Variants in PIAS4 observed in about 807,000 individuals in gnomAD.
The protein encoded by PIAS4 is protein inhibitor of activated STAT 4.
PIAS4 carries 7 observed loss-of-function variants against 58.0 expected under a neutral mutation model. The ratio of observed to expected loss-of-function variants is 0.12; its 90% confidence interval spans 0.07 to 0.23. PIAS4 has a LOEUF of 0.23. PIAS4 is among the 10% of genes least tolerant of loss of function. The pLI is 1.00. For synonymous variants in PIAS4, 364 were observed against 312.4 expected, an observed-to-expected ratio of 1.17 and a Z score of -1.74; for missense variants, 550 against 709.5, an observed-to-expected ratio of 0.78 and a Z score of 2.55.
chr19:4,022,121 T>C (rs2040115786), intron 2 of PIAS4, among the ~76,000 whole-genome samples: 1 of 152,206 alleles, frequency 6.6e-6, no homozygotes, highest in Admixed American at 6.5e-5. Context: ...TTTTCAAACT[T>C]CCTGTATCTT....
intron 7 of PIAS4, among the ~76,000 whole-genome samples, chr19:4,031,690 C>T (rs758166588): frequency 6.6e-6 from 1 of 152,128 alleles, no homozygotes; most frequent in Non-Finnish European, 1.5e-5. Context: ...GTCAGGCTTC[C>T]TCTCCGAAGG....
chr19:4,026,299 A>ATTTTTTTTTTTTTTTTTTTTTTTTT (rs2040164060), intron 3 of PIAS4, among the ~76,000 whole-genome samples: 1 of 145,626 alleles, frequency 6.9e-6, no homozygotes, highest in African/African-American at 2.8e-5. Flanking sequence ...CGCCTGGCTA[A>ATTTTTTTTTTTTTTTTTTTTTTTTT]TTTTTGTATT....
intron 9 of PIAS4, among the ~76,000 whole-genome samples, chr19:4,035,127 G>A (rs1178240123): frequency 6.6e-6 from 1 of 152,192 alleles, no homozygotes; most frequent in Non-Finnish European, 1.5e-5. Context: ...CTGGCACGGT[G>A]GGCTCCGAGC....
intron 2 of PIAS4, among the ~76,000 whole-genome samples, chr19:4,014,201 C>T (rs1020222680): frequency 1.3e-5 from 2 of 152,174 alleles, no homozygotes; most frequent in Non-Finnish European, 1.5e-5. Flanking sequence ...GGGCTCCACG[C>T]TTCTCTCTCT....
chr19:4,038,039 T>G lies in PIAS4; in HGVS notation c.*164T>G. On this transcript the variant is annotated 3_prime_UTR_variant, in exon 11 of 11. Coordinates refer to ENST00000262971, the MANE Select transcript of PIAS4 (RefSeq NM_015897.4). This position sits in a 1 kb window ranked among gnomAD's most constrained non-coding sequence, Gnocchi z 4.1. ...TGGCACCTGTACCTCTGGACTCTCCTATCGGGGGATTAAAAAAAAAAGTAA... is the reference window on the plus strand; with the variant it reads ...TGGCACCTGTACCTCTGGACTCTCCGATCGGGGGATTAAAAAAAAAAGTAA... 2 of 538,968 alleles carry G rather than the reference T, an allele frequency of 3.7e-6. No individual in the cohort carries two copies. Among genetic ancestry groups the G allele is most frequent in the Non-Finnish European group, 6.2e-6 (2 of 324,564 alleles). 33.4% of individuals were successfully genotyped at this position (538,968 alleles called of 1,614,324 possible). A position where few individuals can be genotyped will look rare whatever the true frequency, so the allele number is the denominator to read the frequency against.
At chr19:4,028,037 G>A in intron 3 of PIAS4, 109 bp from the exon 4 acceptor site, 1 of 1,049,646 alleles carries the variant, frequency 9.5e-7, no homozygotes, top group South Asian at 1.3e-5. Context: ...CCAGCTCTGG[G>A]GGAGGGAGCC....
intron 1 of PIAS4, among the ~76,000 whole-genome samples, chr19:4,009,527 T>C (rs1165278021): frequency 1.3e-5 from 2 of 152,094 alleles, no homozygotes; most frequent in African/African-American, 4.8e-5. Flanking sequence ...CCTTGAAATA[T>C]GATCTGATGA....
Position 4,033,561 on chromosome 19 carries a change from G to C in PIAS4, c.1123G>C (p.Asp375His). Residue 375 changes from aspartate (D) to histidine (H), a missense_variant, in exon 9 of 11, where the codon GAC (aspartate) becomes CAC (histidine). This residue lies in a region of PIAS4 where 225 missense variants were observed against 345.8 expected (regional missense o/e 0.65). Transcript: ENST00000262971. The part of the protein sequence containing the change: ...CPVCDKPAPY[D>H]QLIIDGLLSK... ...CGTGTGCGACAAGCCAGCCCCCTACGACCAGCTCATCATCGACGGGTGAGC... is the reference window on the plus strand; with the variant it reads ...CGTGTGCGACAAGCCAGCCCCCTACCACCAGCTCATCATCGACGGGTGAGC... The C allele has an allele frequency of 6.2e-7, 1 of 1,608,742 alleles. No individual in the cohort carries two copies. Among genetic ancestry groups the C allele is most frequent in the Non-Finnish European group, 8.5e-7 (1 of 1,178,514 alleles).
intron 3 of PIAS4, among the ~76,000 whole-genome samples, chr19:4,026,857 A>AT (rs1019426766): frequency 6.0e-5 from 9 of 150,060 alleles, no homozygotes; most frequent in South Asian, 2.1e-4. Flanking sequence ...TAATATTTGT[A>AT]TTTTTTTTGA....
Position 4,026,440 on chromosome 19 carries a change from T to A in PIAS4, c.540-1706T>A, listed in dbSNP as rs1451781173. Among the ~76,000 whole-genome samples, 2 of 151,510 alleles carry A rather than the reference T, an allele frequency of 1.3e-5. 1 individual carries two copies. On this transcript the variant is annotated intron_variant, in intron 3 of 10. Transcript: ENST00000262971. Reference sequence around the variant, plus strand: ...AGCCACCCTGCCCATCCCACATTTCTTTTTCTTATGTCGAGATATGATTTG... The same window carrying A: ...AGCCACCCTGCCCATCCCACATTTCATTTTCTTATGTCGAGATATGATTTG...
chr19:4,029,456 G>A (rs2040201450), intron 7 of PIAS4, among the ~76,000 whole-genome samples: 1 of 152,202 alleles, frequency 6.6e-6, no homozygotes, highest in African/African-American at 2.4e-5. Context: ...GGTCACGGAC[G>A]GCCAGGGTCG....
rs749494347 is a variant in PIAS4, at chr19:4,033,451, G to T, written c.1013G>T (p.Arg338Leu). The change falls in exon 9 of 11, where the codon CGG becomes CTG. Residue 338 changes from arginine (R) to leucine (L), a missense_variant. By Grantham distance (102) the Arg-to-Leu change is moderately radical. Transcript: ENST00000262971. ...LVKMRLSVPC[R>L]AETCAHLQCF... The stretch of plus-strand genomic sequence containing the variant: ...AAGATGCGGCTCTCCGTGCCCTGCC[G>T]GGCAGAGACCTGTGCCCACCTGCAG... 1.9e-6 allele frequency: 3 copies of T among 1,563,170 alleles called. No homozygotes were observed. The highest frequency in any genetic ancestry group is 2.6e-6 in the Non-Finnish European group (3 of 1,154,634).
At chr19:4,036,773 C>T (rs2040298460) in intron 9 of PIAS4, among the ~76,000 whole-genome samples, 1 of 128,336 alleles carries the variant, frequency 7.8e-6, no homozygotes, top group Admixed American at 7.1e-5. Flanking sequence ...TCTACACCGT[C>T]ACACACACAC....
In PIAS4 at chr19:4,038,339, C is replaced by T. The variant is rs1433860143; in HGVS notation, c.*464C>T. 3 of 152,404 alleles carry T rather than the reference C, an allele frequency of 2.0e-5. No homozygotes were observed. Among genetic ancestry groups the T allele is most frequent in the Non-Finnish European group, 4.4e-5 (3 of 68,334 alleles). 9.4% of individuals were successfully genotyped at this position (152,404 alleles called of 1,614,324 possible). On this transcript the variant is annotated 3_prime_UTR_variant, in exon 11 of 11. Transcript: ENST00000262971. The surrounding 1 kb of genome is among the most constrained non-coding windows in gnomAD (Gnocchi z 4.1). ...CTGGCGACCACTTTGACGTTTGTCT[C>T]TTCCTTTGCTTTTTCTCTGCAAATG...
chr19:4,037,963 T>C lies in PIAS4; in HGVS notation c.*88T>C. On this transcript the variant is annotated 3_prime_UTR_variant, in exon 11 of 11. Coordinates refer to ENST00000262971, the MANE Select transcript of PIAS4 (RefSeq NM_015897.4). This position sits in a 1 kb window ranked among gnomAD's most constrained non-coding sequence, Gnocchi z 5.8. Reference sequence around the variant, plus strand: ...GCGCAGAGGGAGGAGTGACCTTTCTTTTTCTTTTTATTGTCGTTCGTTTTG... The same window carrying C: ...GCGCAGAGGGAGGAGTGACCTTTCTCTTTCTTTTTATTGTCGTTCGTTTTG... 7.2e-7 allele frequency: 1 copy of C among 1,382,752 alleles called. No individual in the cohort carries two copies. Among genetic ancestry groups the C allele is most frequent in the South Asian group, 1.3e-5 (1 of 74,750 alleles). The allele number at this position is 1,382,752 out of a possible 1,614,324, so 85.7% of individuals were successfully genotyped here.
Position 4,038,977 on chromosome 19 carries a change from C to G in PIAS4, c.*1102C>G, listed in dbSNP as rs995107208. The G allele has an allele frequency of 6.6e-6, 1 of 152,400 alleles. No individual in the cohort carries two copies. The highest frequency in any genetic ancestry group is 2.4e-5 in the African/African-American group (1 of 41,458). 9.4% of individuals were successfully genotyped at this position (152,400 alleles called of 1,614,324 possible). On this transcript the variant is annotated 3_prime_UTR_variant, in exon 11 of 11. Transcript: ENST00000262971. The surrounding 1 kb of genome is among the most constrained non-coding windows in gnomAD (Gnocchi z 4.1). The stretch of plus-strand genomic sequence containing the variant: ...GCCCCTCGCAGGCCCCACCCATGCC[C>G]TTGGCCTCAGGGTCCAACAACTGGG...
intron 2 of PIAS4, among the ~76,000 whole-genome samples, chr19:4,016,334 C>T (rs2040053667): frequency 6.6e-6 from 1 of 152,260 alleles, no homozygotes; most frequent in African/African-American, 2.4e-5. Flanking sequence ...TGCCTGCCCA[C>T]CCGCCTGCTG....
intron 3 of PIAS4, among the ~76,000 whole-genome samples, chr19:4,027,166 T>G (rs570108279): frequency 3.3e-5 from 5 of 152,292 alleles, no homozygotes; most frequent in African/African-American, 1.2e-4. Context: ...TTTTGTATTT[T>G]TAGTAGAGAC....
intron 1 of PIAS4, among the ~76,000 whole-genome samples, chr19:4,012,098 G>T (rs2144905717): frequency 6.6e-6 from 1 of 151,736 alleles, no homozygotes; most frequent in Non-Finnish European, 1.5e-5. Context: ...CGTGAGCTGT[G>T]GGTATTTAGC....
Sources: gnomAD v4.1 joint callset for allele counts (sites outside exome capture counted in the v4.1 genomes callset) on GRCh38, gnomAD v4.1.1 for gene constraint, gnomAD v4.1.1 regional missense constraint, Gnocchi (gnomAD v3.1) non-coding constraint, MANE v1.5 for transcripts, NCBI Gene and HGNC (gene_info 2026-07-23, HGNC 2026-07-21) for gene names.